Variants in CAMK2G observed in about 807,000 individuals in gnomAD.
CAMK2G encodes the protein calcium/calmodulin dependent protein kinase II gamma.
CAMK2G carries 23 observed loss-of-function variants against 88.7 expected under a neutral mutation model. The ratio of observed to expected loss-of-function variants is 0.26; its 90% CI spans 0.19 to 0.37. CAMK2G has a LOEUF of 0.37. Ranked by LOEUF, CAMK2G falls within the 10% of genes least tolerant of loss-of-function variation. The pLI is 1.00. For synonymous variants in CAMK2G, 263 were observed against 294.8 expected, an observed-to-expected ratio of 0.89 and a Z score of 1.11; for missense variants, 476 against 780.8, an observed-to-expected ratio of 0.61 and a Z score of 4.65.
Position 73,853,179 on chromosome 10 carries a change from A to G in CAMK2G, c.275+13T>C, listed in dbSNP as rs774131426. 4 of 1,613,100 alleles carry G rather than the reference A, an allele frequency of 2.5e-6. No homozygotes were observed. The highest frequency in any genetic ancestry group is 3.4e-6 in the Non-Finnish European group (4 of 1,178,988). ...AGGGAAAGGCCCCCACACCCTCAGA[A>G]AGTGGCACTTACAGGTCAAACACGA... On this transcript the variant is annotated intron_variant, in intron 4 of 22. Coordinates refer to ENST00000423381, the MANE Select transcript of CAMK2G (RefSeq NM_001367534.1).
At chr10:73,815,528 G>C (rs1186046347) in intron 21 of CAMK2G, among the ~76,000 whole-genome samples, 1 of 152,162 alleles carries the variant, frequency 6.6e-6, no homozygotes, top group African/African-American at 2.4e-5. Flanking sequence ...TGCCCGAGCT[G>C]TATTTCTTGG....
intron 15 of CAMK2G, among the ~76,000 whole-genome samples, chr10:73,827,612 A>G (rs545189821): frequency 2.0e-5 from 3 of 152,334 alleles, no homozygotes; most frequent in Non-Finnish European, 2.9e-5. Context: ...CACTGGGCAC[A>G]GCTAGAGAGA....
At chr10:73,852,371 A>G in intron 4 of CAMK2G, 52 bp from the exon 5 acceptor site, 1 of 1,451,792 alleles carries the variant, frequency 6.9e-7, no homozygotes. Context: ...CCTTTGTCCA[A>G]CCCCAATGTC....
rs966194241 is a variant in CAMK2G, at chr10:73,849,352, A to G, written c.342-19T>C. 2.3e-5 allele frequency: 37 copies of G among 1,592,320 alleles called. No homozygotes were observed. In the Admixed American group the frequency reaches 4.7e-4, roughly 20 times the overall value. On this transcript the variant is annotated intron_variant, in intron 5 of 22. Coordinates refer to ENST00000423381, the MANE Select transcript of CAMK2G (RefSeq NM_001367534.1). ...ACAGTGGCTAAAAAAGCAGAAGGAAAAGAAATGTTAGCGCAGGGTTAAACC... is the reference window on the plus strand; with the variant it reads ...ACAGTGGCTAAAAAAGCAGAAGGAAGAGAAATGTTAGCGCAGGGTTAAACC...
intron 3 of CAMK2G, among the ~76,000 whole-genome samples, chr10:73,854,876 T>C (rs2094911974): frequency 6.6e-6 from 1 of 152,084 alleles, no homozygotes; most frequent in East Asian, 1.9e-4. Flanking sequence ...CCGCATCCCA[T>C]TACCTACACT....
At chr10:73,837,306 A>G in intron 14 of CAMK2G, 162 bp downstream of exon 14, 1 of 719,082 alleles carries the variant, frequency 1.4e-6, no homozygotes, top group Non-Finnish European at 2.6e-6. Context: ...CTTCCCTCTC[A>G]GGCCAGCAGA....
intron 2 of CAMK2G, among the ~76,000 whole-genome samples, chr10:73,870,677 C>T (rs2095796511): frequency 6.6e-6 from 1 of 152,192 alleles, no homozygotes; most frequent in East Asian, 1.9e-4. Context: ...CACAGATGAC[C>T]CTGGTGGGCC....
At chr10:73,851,765 G>T (rs1206505794) in intron 5 of CAMK2G, among the ~76,000 whole-genome samples, 1 of 138,844 alleles carries the variant, frequency 7.2e-6, no homozygotes, top group African/African-American at 2.6e-5. Flanking sequence ...GGGGGGAGGG[G>T]GACATAGTCT....
At position 73,848,923 on chromosome 10, in the gene CAMK2G, G is replaced by A; in HGVS notation, c.517+90C>T. 2 of 864,040 alleles carry A rather than the reference G, an allele frequency of 2.3e-6. No individual in the cohort carries two copies. Among genetic ancestry groups the A allele is most frequent in the Non-Finnish European group, 4.0e-6 (2 of 497,534 alleles). 53.5% of individuals were successfully genotyped at this position (864,040 alleles called of 1,614,324 possible). On this transcript the variant is annotated intron_variant, in intron 7 of 22. Coordinates refer to ENST00000423381, the MANE Select transcript of CAMK2G (RefSeq NM_001367534.1). The surrounding 1 kb of genome is among the most constrained non-coding windows in gnomAD (Gnocchi z 4.5). ...GATCTCGGAGGCCAGGACCATTAAG[G>A]GTCTGGCTTCTAGTTCTAATAGAGG...
rs532906993 is a variant in CAMK2G, at chr10:73,814,298, T to A, written c.*220A>T. ...AACAATCTTTTTTTCTTTTTTTTTT[T>A]TCTTAAATGTAAAAAACACCTCGGT... is the stretch of plus-strand genomic sequence containing the variant. On this transcript the variant is annotated 3_prime_UTR_variant, in exon 23 of 23. Transcript: ENST00000423381. The A allele has an allele frequency of 1.3e-5, 2 of 151,562 alleles. No homozygotes were observed. Among genetic ancestry groups the A allele is most frequent in the East Asian group, 3.9e-4 (2 of 5,172 alleles). The allele number at this position is 151,562 out of a possible 1,614,324, so 9.4% of individuals were successfully genotyped here. A position where few individuals can be genotyped will look rare whatever the true frequency, so the allele number is the denominator to read the frequency against.
chr10:73,837,585 C>T, intron 13 of CAMK2G, 74 bp from the exon 14 acceptor site: 1 of 1,214,148 alleles, frequency 8.2e-7, no homozygotes, highest in South Asian at 1.2e-5. Context: ...GCAGCCAGAT[C>T]CACAAGAGAG....
chr10:73,822,164 T>G (rs758350867), intron 17 of CAMK2G, among the ~76,000 whole-genome samples: 37 of 152,106 alleles, frequency 2.4e-4, no homozygotes, highest in Non-Finnish European at 4.4e-4. Flanking sequence ...ACTTACCTCC[T>G]CCCTAGAGTT....
chr10:73,820,492 A>ATATTTTTTTT (rs1554995765), intron 18 of CAMK2G, among the ~76,000 whole-genome samples: 1 of 51,052 alleles, frequency 2.0e-5, no homozygotes, highest in African/African-American at 8.9e-5. Flanking sequence ...ATATATATAT[A>ATATTTTTTTT]TTTTTTTTTT....
chr10:73,822,360 G>A (rs1452073327), intron 17 of CAMK2G, among the ~76,000 whole-genome samples: 1 of 152,120 alleles, frequency 6.6e-6, no homozygotes, highest in Non-Finnish European at 1.5e-5. Flanking sequence ...TAGAGATGGG[G>A]TTTCATCATG....
At chr10:73,871,129 A>G (rs1160390079) in intron 2 of CAMK2G, among the ~76,000 whole-genome samples, 1 of 152,106 alleles carries the variant, frequency 6.6e-6, no homozygotes. Context: ...TGCTGTCTGA[A>G]GCATATACTT....
chr10:73,819,478 G>A (rs2086996005), intron 19 of CAMK2G, 54 bp downstream of exon 19: 1 of 1,281,844 alleles, frequency 7.8e-7, no homozygotes, highest in Non-Finnish European at 1.1e-6. Context: ...TCCCTGAGGG[G>A]CTTCAGGACG....
intron 17 of CAMK2G, among the ~76,000 whole-genome samples, chr10:73,823,759 G>A (rs1317983216): frequency 1.3e-5 from 2 of 152,158 alleles, no homozygotes; most frequent in East Asian, 3.8e-4. Context: ...TTAAACTTCC[G>A]ACATATGGAG....
intron 14 of CAMK2G, 161 bp downstream of exon 14, chr10:73,837,307 G>A: frequency 1.4e-6 from 1 of 724,102 alleles, no homozygotes; most frequent in East Asian, 2.5e-5. Flanking sequence ...TTCCCTCTCA[G>A]GCCAGCAGAA....
At chr10:73,860,463 C>T (rs1282422142) in intron 3 of CAMK2G, among the ~76,000 whole-genome samples, 2 of 152,140 alleles carry the variant, frequency 1.3e-5, no homozygotes, top group East Asian at 3.9e-4. Context: ...AAATCCTGAC[C>T]CTTGCATGAG....
Sources: allele counts gnomAD v4.1 joint callset (sites outside exome capture counted in the v4.1 genomes callset), GRCh38; gene constraint gnomAD v4.1.1; non-coding constraint Gnocchi (gnomAD v3.1); transcripts MANE v1.5; gene names NCBI Gene and HGNC (gene_info 2026-07-23, HGNC 2026-07-21).